The following RIMS1 variants were observed in gnomAD, a reference collection of about 807,000 sequenced individuals.
RIMS1 encodes regulating synaptic membrane exocytosis 1, also known as regulating synaptic membrane exocytosis protein 1.
A neutral mutation model predicts 214.1 loss-of-function variants in RIMS1; 83 were observed. The observed-to-expected ratio is 0.39, with a 90% CI of 0.32 to 0.47. The LOEUF is 0.47. Among genes scored for constraint, RIMS1 ranks in the 20% least tolerant of loss-of-function variants. The pLI, the probability that RIMS1 is intolerant of heterozygous loss-of-function variation, is 0.99. For synonymous variants in RIMS1, 793 were observed against 786.8 expected, an observed-to-expected ratio of 1.01 and a Z score of -0.13; for missense variants, 2,050 against 2,161.8, an observed-to-expected ratio of 0.95 and a Z score of 1.03.
chr6:72,037,672 G>C (rs1487636281), intron 2 of RIMS1, among the ~76,000 whole-genome samples: 1 of 151,990 alleles, frequency 6.6e-6, no homozygotes, highest in African/African-American at 2.4e-5. Flanking sequence ...AAGTTTTCTT[G>C]TGCCCCTTTG....
chr6:72,285,626 A>G (rs1422677940), intron 24 of RIMS1, among the ~76,000 whole-genome samples: 2 of 152,178 alleles, frequency 1.3e-5, no homozygotes, highest in Non-Finnish European at 2.9e-5. Flanking sequence ...GAGTAGTACA[A>G]AGAGTTGGAC....
intron 6 of RIMS1, among the ~76,000 whole-genome samples, chr6:72,188,746 G>C (rs1008008115): frequency 1.3e-5 from 2 of 152,176 alleles, no homozygotes; most frequent in African/African-American, 4.8e-5. Flanking sequence ...GCCTGGATTG[G>C]GCTGTTGTAG....
At chr6:71,915,756 C>T (rs951577371) in intron 1 of RIMS1, among the ~76,000 whole-genome samples, 16 of 152,130 alleles carry the variant, frequency 1.1e-4, no homozygotes, top group African/African-American at 3.6e-4. Flanking sequence ...GTTCTTACAC[C>T]GCCAATAAAG....
intron 2 of RIMS1, among the ~76,000 whole-genome samples, chr6:72,010,858 A>G (rs1001893231): frequency 3.9e-5 from 6 of 152,188 alleles, no homozygotes; most frequent in East Asian, 1.9e-4. Context: ...AACATTCCAT[A>G]TTCATGGGTA....
intron 1 of RIMS1, among the ~76,000 whole-genome samples, chr6:71,959,241 G>A (rs2151225963): frequency 6.6e-6 from 1 of 152,130 alleles, no homozygotes; most frequent in Middle Eastern, 3.4e-3. Context: ...TGAATCAGTT[G>A]AAAAAATAGT....
intron 2 of RIMS1, among the ~76,000 whole-genome samples, chr6:72,094,780 G>T (rs1258578645): frequency 6.6e-6 from 1 of 151,930 alleles, no homozygotes; most frequent in Non-Finnish European, 1.5e-5. Flanking sequence ...TAGAATAAGT[G>T]TATAGGGAAA....
At chr6:72,371,061 A>G (rs1331398350) in intron 29 of RIMS1, among the ~76,000 whole-genome samples, 1 of 152,136 alleles carries the variant, frequency 6.6e-6, no homozygotes, top group Non-Finnish European at 1.5e-5. Context: ...ATATTTGTCA[A>G]CTCTGATCAA....
rs1489894063 is a variant in RIMS1 at position 72,308,011 on chromosome 6, T to A, written c.3963+641T>A. On this transcript the variant is annotated intron_variant, in intron 27 of 33. Coordinates refer to ENST00000521978, the MANE Select transcript of RIMS1 (RefSeq NM_014989.7). ...TGTTGCTTGAACATTATTTAAATAT[T>A]CCATTTAAGATATTAAGGTATATAT... 4.6e-5 allele frequency among the ~76,000 whole-genome samples: 7 copies of A among 152,198 alleles called. No homozygotes were observed. In the East Asian group the frequency reaches 1.3e-3, roughly 29 times the overall value.
At chr6:72,063,933 C>T (rs1042287378) in intron 2 of RIMS1, among the ~76,000 whole-genome samples, 1 of 152,168 alleles carries the variant, frequency 6.6e-6, no homozygotes, top group Non-Finnish European at 1.5e-5. Context: ...TATCTTTTCC[C>T]TGTGTTCTCA....
intron 6 of RIMS1, among the ~76,000 whole-genome samples, chr6:72,197,677 T>G (rs1376513376): frequency 6.6e-6 from 1 of 152,076 alleles, no homozygotes; most frequent in Non-Finnish European, 1.5e-5. Context: ...CCTACAGGTA[T>G]GGTATCTGGG....
intron 29 of RIMS1, among the ~76,000 whole-genome samples, chr6:72,379,363 A>C (rs1195193504): frequency 6.6e-6 from 1 of 152,242 alleles, no homozygotes; most frequent in Non-Finnish European, 1.5e-5. Flanking sequence ...CCATGCCTTC[A>C]AGAGCAGAGG....
At chr6:72,241,865 T>C (rs915178418) in intron 9 of RIMS1, among the ~76,000 whole-genome samples, 5 of 152,210 alleles carry the variant, frequency 3.3e-5, no homozygotes, top group African/African-American at 1.2e-4. Flanking sequence ...TATTAATTGC[T>C]CTTTCTTCCA....
At chr6:71,964,787 G>A (rs1167051671) in intron 1 of RIMS1, among the ~76,000 whole-genome samples, 2 of 152,154 alleles carry the variant, frequency 1.3e-5, no homozygotes, top group East Asian at 1.9e-4. Flanking sequence ...TTAGAGTTAA[G>A]AAGAAAGAAT....
chr6:71,975,007 C>T (rs186519270), intron 2 of RIMS1, among the ~76,000 whole-genome samples: 148 of 152,212 alleles, frequency 9.7e-4, no homozygotes, highest in Admixed American at 1.7e-3. Context: ...AGAACTTACT[C>T]ATGTAACCCA....
intron 2 of RIMS1, among the ~76,000 whole-genome samples, chr6:72,095,537 A>C (rs1017477210): frequency 1.3e-5 from 2 of 152,200 alleles, no homozygotes; most frequent in Non-Finnish European, 2.9e-5. Flanking sequence ...CCTAAACTAC[A>C]CTGTTATGTG....
intron 23 of RIMS1, among the ~76,000 whole-genome samples, chr6:72,278,144 T>TA (rs1413695926): frequency 2.0e-4 from 29 of 144,332 alleles, no homozygotes; most frequent in Middle Eastern, 3.5e-3. Context: ...TGATTGAGAA[T>TA]GGTTTTTAAT....
intron 4 of RIMS1, chr6:72,175,287 CT>C: frequency 9.2e-6 from 2 of 217,810 alleles, no homozygotes; most frequent in Middle Eastern, 8.1e-4. Context: ...ATCACAATCT[CT>C]TTTTCTAAAC....
At chr6:71,948,902 T>C (rs1004324354) in intron 1 of RIMS1, among the ~76,000 whole-genome samples, 4 of 152,160 alleles carry the variant, frequency 2.6e-5, no homozygotes, top group African/African-American at 9.7e-5. Context: ...GTTTTCAGTC[T>C]TTAAAGATTA....
chr6:72,392,576 A>G, intron 30 of RIMS1, 122 bp from the exon 31 acceptor site: 1 of 764,092 alleles, frequency 1.3e-6, no homozygotes, highest in South Asian at 1.5e-5. Flanking sequence ...TCAATTAAAA[A>G]AACAGATTGT....
Sources: allele counts gnomAD v4.1 joint callset (sites outside exome capture counted in the v4.1 genomes callset), GRCh38; gene constraint gnomAD v4.1.1; transcripts MANE v1.5; gene names NCBI Gene and HGNC (gene_info 2026-07-23, HGNC 2026-07-21).